LRTM1: variants seen among roughly 807,000 people sequenced by gnomAD.
LRTM1 encodes leucine-rich repeat and transmembrane domain-containing protein 1.
A neutral mutation model predicts 32.4 loss-of-function variants in LRTM1; 38 were observed. That is an observed-to-expected ratio of 1.17 (90% CI 0.91 to 1.54). The LOEUF (loss-of-function observed/expected upper bound fraction) is 1.54. Ranked by LOEUF, LRTM1 falls within the 40% of genes most tolerant of loss-of-function variation. LRTM1 has a pLI of 0.00. For synonymous variants in LRTM1, 186 were observed against 169.9 expected, an observed-to-expected ratio of 1.09 and a Z score of -0.74; for missense variants, 466 against 415.4, an observed-to-expected ratio of 1.12 and a Z score of -1.06.
upstream of LRTM1, among the ~76,000 whole-genome samples, chr3:54,929,755 A>G (rs540219530): frequency 3.3e-4 from 50 of 152,140 alleles, no homozygotes; most frequent in South Asian, 3.3e-3. Context: ...CTTCCTTCCA[A>G]TCCCTCCTTC....
At chr3:54,935,328 A>T (rs1457331426) in intron 1 of LRTM1, among the ~76,000 whole-genome samples, 6 of 152,232 alleles carry the variant, frequency 3.9e-5, no homozygotes, top group African/African-American at 1.2e-4. Context: ...GCCTTCCAGC[A>T]TTCAGTTGTC....
upstream of LRTM1, among the ~76,000 whole-genome samples, chr3:54,929,757 C>T (rs560572612): frequency 3.9e-5 from 6 of 152,228 alleles, no homozygotes; most frequent in East Asian, 1.2e-3. Context: ...TCCTTCCAAT[C>T]CCTCCTTCCT....
At chr3:54,921,057 A>G (rs1314185298) in intron 2 of LRTM1, among the ~76,000 whole-genome samples, 1 of 152,196 alleles carries the variant, frequency 6.6e-6, no homozygotes, top group Non-Finnish European at 1.5e-5. Flanking sequence ...TTCATGGGCC[A>G]TGACCCCCTC....
chr3:54,951,237 A>C (rs767234099), intron 1 of LRTM1, among the ~76,000 whole-genome samples: 3 of 152,216 alleles, frequency 2.0e-5, no homozygotes, highest in African/African-American at 4.8e-5. Context: ...AAATCTGTCA[A>C]TGCAGTGGCC....
At chr3:54,946,377 G>T (rs1701614851) in intron 1 of LRTM1, among the ~76,000 whole-genome samples, 1 of 152,146 alleles carries the variant, frequency 6.6e-6, no homozygotes, top group Admixed American at 6.6e-5. Context: ...AGAGATTTTA[G>T]CCCAGGGAAC....
chr3:54,934,450 GA>G (rs1335717791), intron 1 of LRTM1, among the ~76,000 whole-genome samples: 2 of 152,108 alleles, frequency 1.3e-5, no homozygotes, highest in Non-Finnish European at 2.9e-5. Flanking sequence ...CAGGTTCAAG[GA>G]ATGCCTAGGA....
intron 1 of LRTM1, among the ~76,000 whole-genome samples, chr3:54,945,090 C>T (rs1267639896): frequency 6.6e-6 from 1 of 152,160 alleles, no homozygotes; most frequent in East Asian, 1.9e-4. Context: ...GCTTGTTTGT[C>T]AGCATCTGAG....
In LRTM1 at chr3:54,927,945, G is replaced by A. The variant is rs763365242; in HGVS notation, c.-34C>T. The A allele has an allele frequency of 4.3e-6, 7 of 1,610,912 alleles. No homozygotes were observed. Among genetic ancestry groups the A allele is most frequent in the East Asian group, 2.2e-5 (1 of 44,864 alleles). ...CTCCTTGGGCGTCCTTGCTGACCTC[G>A]TAGACCCTTTAATTAATGTGCAGAG... On this transcript the variant is annotated 5_prime_UTR_variant, in exon 1 of 3. In the 5' UTR this introduces an upstream ATG that the reference lacks. Coordinates refer to ENST00000273286, the MANE Select transcript of LRTM1 (RefSeq NM_020678.4).
At chr3:54,943,192 G>A (rs1199380295) in intron 1 of LRTM1, among the ~76,000 whole-genome samples, 5 of 131,934 alleles carry the variant, frequency 3.8e-5, no homozygotes, top group African/African-American at 5.5e-5. Flanking sequence ...ATAGCAACAC[G>A]CTATCTCTGG....
At chr3:54,935,097 T>G (rs996895711) in intron 1 of LRTM1, among the ~76,000 whole-genome samples, 2 of 152,220 alleles carry the variant, frequency 1.3e-5, no homozygotes, top group African/African-American at 4.8e-5. Flanking sequence ...ATGAGAAGAC[T>G]GCACGTGATT....
chr3:54,934,438 T>C, intron 1 of LRTM1, among the ~76,000 whole-genome samples: 1 of 152,190 alleles, frequency 6.6e-6, no homozygotes, highest in African/African-American at 2.4e-5. Flanking sequence ...AAGGTAAGAA[T>C]TCAGGTTCAA....
At chr3:54,925,854 T>C (rs932036449) in intron 1 of LRTM1, among the ~76,000 whole-genome samples, 7 of 152,244 alleles carry the variant, frequency 4.6e-5, no homozygotes, top group African/African-American at 1.4e-4. Flanking sequence ...TCTAAAGCGC[T>C]GCTACGTATT....
upstream of LRTM1, among the ~76,000 whole-genome samples, chr3:54,929,211 GACA>G (rs762381781): frequency 5.3e-5 from 8 of 152,290 alleles, no homozygotes; most frequent in African/African-American, 1.4e-4. Flanking sequence ...CTGACATGGG[GACA>G]ACATTAGCCC....
upstream of LRTM1, among the ~76,000 whole-genome samples, chr3:54,929,053 C>T (rs1375013655): frequency 1.3e-5 from 2 of 152,168 alleles, no homozygotes; most frequent in Non-Finnish European, 2.9e-5. Flanking sequence ...ATGGAAGCAG[C>T]ATGAAGTGCA....
upstream of LRTM1, among the ~76,000 whole-genome samples, chr3:54,931,876 T>C (rs1488346762): frequency 6.6e-6 from 1 of 152,120 alleles, no homozygotes; most frequent in Admixed American, 6.5e-5. Flanking sequence ...CAGGCAATAT[T>C]ACACAGGTAT....
At chr3:54,924,535 C>G in intron 2 of LRTM1, 84 bp downstream of exon 2, 1 of 1,165,768 alleles carries the variant, frequency 8.6e-7, no homozygotes, top group Non-Finnish European at 1.2e-6. Flanking sequence ...CACTCCTCCA[C>G]ATTCTTTCTA....
rs775808922 is a variant in LRTM1, at chr3:54,927,944, C to T, written c.-33G>A. On this transcript the variant is annotated 5_prime_UTR_variant, in exon 1 of 3. Transcript: ENST00000273286. ...TCTCCTTGGGCGTCCTTGCTGACCT[C>T]GTAGACCCTTTAATTAATGTGCAGA... 13 of 1,611,588 alleles carry T rather than the reference C, an allele frequency of 8.1e-6. No individual in the cohort carries two copies. Among genetic ancestry groups the T allele is most frequent in the Non-Finnish European group, 9.3e-6 (11 of 1,177,954 alleles).
chr3:54,942,852 A>T (rs1355448913), intron 1 of LRTM1, among the ~76,000 whole-genome samples: 1 of 152,014 alleles, frequency 6.6e-6, no homozygotes, highest in Non-Finnish European at 1.5e-5. Flanking sequence ...GTGAAACCCC[A>T]TCTCTACTAA....
At chr3:54,937,401 G>T (rs138825273) in intron 1 of LRTM1, among the ~76,000 whole-genome samples, 1 of 152,162 alleles carries the variant, frequency 6.6e-6, no homozygotes, top group Non-Finnish European at 1.5e-5. Context: ...CCAGCAATCT[G>T]TGCTTGCACC....
Sources: gnomAD v4.1 joint callset for allele counts (sites outside exome capture counted in the v4.1 genomes callset) on GRCh38, gnomAD v4.1.1 for gene constraint, MANE v1.5 for transcripts, NCBI Gene and HGNC (gene_info 2026-07-23, HGNC 2026-07-21) for gene names.